SNED1: variants seen among roughly 807,000 people sequenced by gnomAD.
The protein encoded by SNED1 is sushi, nidogen and EGF like domains 1.
In SNED1, 81 loss-of-function variants were observed where a neutral mutation model predicts 166.7. That is an observed-to-expected ratio of 0.49 (90% confidence interval 0.41 to 0.58). SNED1 has a LOEUF of 0.58. SNED1 is among the 20% of genes least tolerant of loss of function. SNED1 has a pLI of 0.00. For synonymous variants in SNED1, 762 were observed against 822.0 expected (o/e 0.93, Z 1.25); for missense variants, 1,604 against 2,000.2 (o/e 0.80, Z 3.78).
At chr2:241,089,338 C>A (rs1175857781) in intron 31 of SNED1, 3 of 1,550,632 alleles carry the variant, frequency 1.9e-6, no homozygotes, top group Non-Finnish European at 2.6e-6. Flanking sequence ...CAAGCCACTT[C>A]AAAACAGGTC....
chr2:241,059,881 C>T (rs1253708627), intron 16 of SNED1, among the ~76,000 whole-genome samples: 1 of 152,144 alleles, frequency 6.6e-6, no homozygotes, highest in Non-Finnish European at 1.5e-5. Context: ...GTATTCCCAG[C>T]ATTTTCCTGG....
intron 16 of SNED1, among the ~76,000 whole-genome samples, chr2:241,061,597 A>G (rs1382741065): frequency 6.6e-6 from 1 of 152,192 alleles, no homozygotes; most frequent in Non-Finnish European, 1.5e-5. Context: ...TTGTAAAAGC[A>G]AAAAGTCTAG....
chr2:241,038,027 C>A (rs948697855), intron 6 of SNED1, among the ~76,000 whole-genome samples: 3 of 152,002 alleles, frequency 2.0e-5, no homozygotes, highest in African/African-American at 7.3e-5. Context: ...CCTCTTTAGG[C>A]CCCTCACCCA....
intron 16 of SNED1, among the ~76,000 whole-genome samples, chr2:241,058,911 C>T (rs2062147984): frequency 6.6e-6 from 1 of 151,674 alleles, no homozygotes; most frequent in African/African-American, 2.4e-5. Context: ...GATCGCACCA[C>T]TGCACTCCAG....
intron 27 of SNED1, among the ~76,000 whole-genome samples, chr2:241,077,776 A>AT (rs1559303993): frequency 6.6e-6 from 1 of 152,210 alleles, no homozygotes; most frequent in Non-Finnish European, 1.5e-5. Flanking sequence ...CAGCAGGGAA[A>AT]TGCACATCAA....
chr2:241,088,767 C>A, intron 31 of SNED1: 1 of 278,778 alleles, frequency 3.6e-6, no homozygotes, highest in South Asian at 8.3e-5. Flanking sequence ...CCACCTGGCA[C>A]CTGGGAGGAG....
intron 21 of SNED1, 35 bp from the exon 22 acceptor site, chr2:241,067,729 G>A (rs1226665020): frequency 1.3e-6 from 2 of 1,562,692 alleles, no homozygotes; most frequent in Non-Finnish European, 1.7e-6. Flanking sequence ...GAGCAAGGAG[G>A]GGCCGGCACC....
At chr2:241,084,487 A>G (rs569518727) in intron 29 of SNED1, among the ~76,000 whole-genome samples, 10 of 152,134 alleles carry the variant, frequency 6.6e-5, no homozygotes, top group Admixed American at 3.9e-4. Context: ...CACATCTTCA[A>G]CTTCACGCCG....
Position 241,071,821 on chromosome 2 carries a change from G to C in SNED1, c.3760G>C (p.Gly1254Arg). The change falls in exon 26 of 32, where the codon GGA becomes CGA. Residue 1254 changes from glycine (G) to arginine (R), a missense_variant. By Grantham distance (125) the Gly-to-Arg change is moderately radical. Coordinates refer to ENST00000310397, the MANE Select transcript of SNED1 (RefSeq NM_001080437.3). Reference protein sequence around the residue: ...PRFSELVDGRGRVSARFGGSP... With the variant: ...PRFSELVDGRRRVSARFGGSP... ...GTTCTCGGAGCTTGTGGACGGCAGAGGAAGAGTGAGCGCCAGGTTCGGTGG... is the reference window on the plus strand; with the variant it reads ...GTTCTCGGAGCTTGTGGACGGCAGACGAAGAGTGAGCGCCAGGTTCGGTGG... 6.2e-7 allele frequency: 1 copy of C among 1,603,620 alleles called. No homozygotes were observed. Among genetic ancestry groups the C allele is most frequent in the Non-Finnish European group, 8.5e-7 (1 of 1,175,448 alleles).
chr2:241,003,092 C>T (rs777409026), intron 1 of SNED1, among the ~76,000 whole-genome samples: 2 of 152,176 alleles, frequency 1.3e-5, no homozygotes, highest in African/African-American at 2.4e-5. Context: ...CCAGAATCCC[C>T]GCTACGCTTC....
chr2:241,064,841 C>T lies in SNED1; in HGVS notation c.2600-3C>T. 1.3e-6 allele frequency: 2 copies of T among 1,581,458 alleles called. No individual in the cohort carries two copies. The highest frequency in any genetic ancestry group is 1.2e-5 in the South Asian group (1 of 86,488). On this transcript the variant is annotated splice_polypyrimidine_tract_variant and splice_region_variant and intron_variant, in intron 19 of 31. Coordinates refer to ENST00000310397, the MANE Select transcript of SNED1 (RefSeq NM_001080437.3). This position sits in a 1 kb window ranked among gnomAD's most constrained non-coding sequence, Gnocchi z 7.0. ...CATACACTGCCACTTTTTCTCCCCT[C>T]AGTGAGTGACCCCTGCTTCTCCAGC...
chr2:241,071,820 A>G lies in SNED1; in HGVS notation c.3759A>G (p.Arg1253=). 6.2e-7 allele frequency: 1 copy of G among 1,603,170 alleles called. No individual in the cohort carries two copies. Among genetic ancestry groups the G allele is most frequent in the Non-Finnish European group, 8.5e-7 (1 of 1,175,258 alleles). Reference sequence around the variant, plus strand: ...GGTTCTCGGAGCTTGTGGACGGCAGAGGAAGAGTGAGCGCCAGGTTCGGTG... The same window carrying G: ...GGTTCTCGGAGCTTGTGGACGGCAGGGGAAGAGTGAGCGCCAGGTTCGGTG... ...PPRFSELVDG[R]GRVSARFGGS... The change falls in exon 26 of 32, where the codon AGA becomes AGG. Residue 1253 remains arginine, a synonymous_variant. Transcript: ENST00000310397.
chr2:241,069,845 C>G lies in SNED1; in HGVS notation c.3308-75C>G, dbSNP rs10171936. On this transcript the variant is annotated intron_variant, in intron 23 of 31. Coordinates refer to ENST00000310397, the MANE Select transcript of SNED1 (RefSeq NM_001080437.3). The surrounding 1 kb of genome is among the most constrained non-coding windows in gnomAD (Gnocchi z 4.9). ...CAGCAAGGCTGCGGCAGCCCATGTC[C>G]GGTTCTCAAACCGTGTTCTTGCCAG... The G allele has an allele frequency of 0.041, 63,166 of 1,525,670 alleles. 8,419 individuals carry two copies. The highest frequency in any genetic ancestry group is 0.36 in the African/African-American group (26,416 of 72,966). The allele number at this position is 1,525,670 out of a possible 1,614,324, so 94.5% of individuals were successfully genotyped here.
At chr2:241,081,834 G>C in intron 28 of SNED1, 41 bp downstream of exon 28, 1 of 1,434,276 alleles carries the variant, frequency 7.0e-7, no homozygotes, top group Non-Finnish European at 9.6e-7. Flanking sequence ...TTCCAACACA[G>C]CCTGTGCCTC....
In SNED1 at chr2:240,998,809, G is replaced by A. The variant is rs2059991656; in HGVS notation, c.-29G>A. 1 of 1,138,360 alleles carries A rather than the reference G, an allele frequency of 8.8e-7. No homozygotes were observed. Among genetic ancestry groups the A allele is most frequent in the East Asian group, 4.6e-5 (1 of 21,868 alleles). 70.5% of individuals were successfully genotyped at this position (1,138,360 alleles called of 1,614,324 possible). On this transcript the variant is annotated 5_prime_UTR_variant, in exon 1 of 32. Transcript: ENST00000310397. ...AGTCCCCCAGCGCCCTGCTCCGCCA[G>A]CGCCCCGTCCCGCCCGCACACCTCC...
chr2:241,060,848 T>C (rs779698416), intron 16 of SNED1, among the ~76,000 whole-genome samples: 6 of 152,096 alleles, frequency 3.9e-5, no homozygotes, highest in Admixed American at 2.0e-4. Context: ...GGAAGATCAC[T>C]TGAAACCGGA....
chr2:241,013,393 A>T lies in SNED1; in HGVS notation c.213+14343A>T, dbSNP rs1559219279. ...TGAGCCTAGCTCACTGTAACCTCGA[A>T]CTCATGGGCTCCAGTGATCCTCCCA... is the stretch of plus-strand genomic sequence containing the variant. On this transcript the variant is annotated intron_variant, in intron 1 of 31. Transcript: ENST00000310397. The surrounding 1 kb of genome is among the most constrained non-coding windows in gnomAD (Gnocchi z 4.6). Among the ~76,000 whole-genome samples the T allele has an allele frequency of 6.6e-6, 1 of 151,902 alleles. No individual in the cohort carries two copies. The highest frequency in any genetic ancestry group is 1.5e-5 in the Non-Finnish European group (1 of 67,954).
In SNED1 at chr2:241,040,445, G is replaced by A. The variant is rs563967958; in HGVS notation, c.1273+32G>A. The A allele has an allele frequency of 8.0e-6, 11 of 1,376,556 alleles. No individual in the cohort carries two copies. The African/African-American group carries it at 1.0e-4, about 13-fold the overall frequency. 85.3% of individuals were successfully genotyped at this position (1,376,556 alleles called of 1,614,324 possible). A position where few individuals can be genotyped will look rare whatever the true frequency, so the allele number is the denominator to read the frequency against. ...GGCCAAGTGCCTGCAGGCCACCATG[G>A]CTGATGGTGGCTTTGTGCCGTGAAC... On this transcript the variant is annotated intron_variant, in intron 8 of 31. Transcript: ENST00000310397.
chr2:241,020,787 C>T (rs955772469), intron 1 of SNED1, among the ~76,000 whole-genome samples: 103 of 152,226 alleles, frequency 6.8e-4, no homozygotes, highest in African/African-American at 2.5e-3. Context: ...AATGGCCTCT[C>T]GACTCCAGCA....
Sources: gnomAD v4.1 joint callset for allele counts (sites outside exome capture counted in the v4.1 genomes callset) on GRCh38, gnomAD v4.1.1 for gene constraint, Gnocchi (gnomAD v3.1) non-coding constraint, MANE v1.5 for transcripts, NCBI Gene and HGNC (gene_info 2026-07-23, HGNC 2026-07-21) for gene names.